The following NCOR2 variants were observed in gnomAD, a reference collection of about 807,000 sequenced individuals.
The protein encoded by NCOR2 is CTG repeat protein 26.
NCOR2 carries 81 observed loss-of-function variants against 262.9 expected under a neutral mutation model. That is an observed-to-expected ratio of 0.31 (90% confidence interval 0.26 to 0.37). NCOR2 has a LOEUF of 0.37. Among genes scored for constraint, NCOR2 ranks in the 10% least tolerant of loss-of-function variants. The probability of loss-of-function intolerance (pLI) is 1.00; values close to 1 mark genes in which losing one functional copy is unlikely to be tolerated. For synonymous variants in NCOR2, 1,659 were observed against 1,559.3 expected, an observed-to-expected ratio of 1.06 and a Z score of -1.51; for missense variants, 3,385 against 3,621.4, an observed-to-expected ratio of 0.93 and a Z score of 1.68.
intron 22 of NCOR2, among the ~76,000 whole-genome samples, chr12:124,361,236 A>T (rs530489085): frequency 6.6e-6 from 1 of 151,700 alleles, no homozygotes; most frequent in Admixed American, 6.6e-5. Flanking sequence ...GCTGGTCAGG[A>T]GGTCGGCCTG....
rs1301326152 is a variant in NCOR2 at position 124,422,651 on chromosome 12, CG to C, written c.1329-97del. 41 of 1,334,626 alleles carry C rather than the reference CG, an allele frequency of 3.1e-5. 1 individual carries two copies. The highest frequency in any genetic ancestry group is 1.0e-6 in the Non-Finnish European group (1 of 976,154). The allele number at this position is 1,334,626 out of a possible 1,614,324, so 82.7% of individuals were successfully genotyped here. ...CCAGGCGCCTGCCATCCCCACTGGC[CG>C]GGCCTGGCGGGCACCGCCCCACTTG... On this transcript the variant is annotated intron_variant, in intron 11 of 46. Coordinates refer to ENST00000405201, the Ensembl canonical transcript of NCOR2.
chr12:124,332,488 A>C (rs2035280865), intron 42 of NCOR2, 21 bp from the exon 45 acceptor site: 6 of 1,613,918 alleles, frequency 3.7e-6, no homozygotes, highest in Non-Finnish European at 2.5e-6. Flanking sequence ...CAAACACCTC[A>C]CATCAGCTCA....
rs368255112 is a variant in NCOR2, at chr12:124,423,249, C to T, written c.1329-694G>A. Among the ~76,000 whole-genome samples, 26 of 152,324 alleles carry T rather than the reference C, an allele frequency of 1.7e-4. 2 individuals carry two copies. Among genetic ancestry groups the T allele is most frequent in the Admixed American group, 1.4e-3 (21 of 15,308 alleles). On this transcript the variant is annotated intron_variant, in intron 11 of 46. Transcript: ENST00000405201. ...GGGCGGGGATGTGGGTCAAGGCCTG[C>T]TCCACCCCAGGGGTGCTGGGTGGAG...
chr12:124,407,593 G>T (rs2042344906), intron 13 of NCOR2, among the ~76,000 whole-genome samples: 1 of 152,218 alleles, frequency 6.6e-6, no homozygotes, highest in South Asian at 2.1e-4. Context: ...CAGGTCGCAG[G>T]AAGGAAGACG....
At chr12:124,348,449 C>CGAGGCCT in intron 28 of NCOR2, 135 bp from the exon 31 acceptor site, 2 of 1,247,754 alleles carry the variant, frequency 1.6e-6, no homozygotes, top group Non-Finnish European at 2.2e-6. Context: ...GCCTCACAGC[C>CGAGGCCT]GAGGCCTCCA....
upstream of NCOR2, among the ~76,000 whole-genome samples, chr12:124,495,771 C>T (rs3759104): frequency 4.0e-3 from 608 of 152,272 alleles, 12 homozygotes; most frequent in East Asian, 0.011. This position sits in a 1 kb window ranked among gnomAD's most constrained non-coding sequence, Gnocchi z 4.4. Context: ...GGAGGGGCGG[C>T]CGGCAGCAGG....
intron 15 of NCOR2, among the ~76,000 whole-genome samples, chr12:124,399,548 T>G (rs1453544277): frequency 1.3e-5 from 2 of 151,986 alleles, no homozygotes. Flanking sequence ...ACAATGAAAT[T>G]TTTAGAGAGG....
chr12:124,343,180 C>G, exon 33 of NCOR2: 3 of 1,608,976 alleles, frequency 1.9e-6, no homozygotes, highest in Non-Finnish European at 2.6e-6. Flanking sequence ...CACGAGGCGT[C>G]GACGTCAGCT....
chr12:124,388,539 A>T (rs750548195), intron 16 of NCOR2: 132 of 809,934 alleles, frequency 1.6e-4, no homozygotes, highest in Non-Finnish European at 2.2e-4. Context: ...GGCATGGGGG[A>T]AAGGATGGGC....
At chr12:124,355,307 A>G (rs2037866626) in intron 24 of NCOR2, 125 bp downstream of exon 26, 2 of 1,202,474 alleles carry the variant, frequency 1.7e-6, no homozygotes, top group Non-Finnish European at 2.3e-6. Context: ...CAGACCCCAG[A>G]TGCCTGAGTG....
intron 20 of NCOR2, among the ~76,000 whole-genome samples, chr12:124,364,486 G>T (rs1316845512): frequency 6.6e-6 from 1 of 152,226 alleles, no homozygotes; most frequent in Non-Finnish European, 1.5e-5. Flanking sequence ...GGCAGGTAGG[G>T]CCTGCCCACT....
At chr12:124,410,952 G>C (rs1020479189) in intron 13 of NCOR2, among the ~76,000 whole-genome samples, 7 of 149,396 alleles carry the variant, frequency 4.7e-5, no homozygotes, top group African/African-American at 1.7e-4. Flanking sequence ...AGGGAGGAGA[G>C]AGAAAGGGAG....
intron 13 of NCOR2, among the ~76,000 whole-genome samples, chr12:124,403,260 G>T (rs2042080129): frequency 6.6e-6 from 1 of 152,148 alleles, no homozygotes; most frequent in South Asian, 2.1e-4. Flanking sequence ...TGCTGCCTGG[G>T]CCTGGTCTCC....
At chr12:124,411,134 A>AAG (rs1349603842) in intron 13 of NCOR2, among the ~76,000 whole-genome samples, 1 of 150,682 alleles carries the variant, frequency 6.6e-6, no homozygotes, top group Non-Finnish European at 1.5e-5. Flanking sequence ...AGATGGGGGA[A>AAG]AGAGAGAGAG....
At chr12:124,533,414 G>A (rs968883691) in intron 1 of NCOR2, among the ~76,000 whole-genome samples, 4 of 151,876 alleles carry the variant, frequency 2.6e-5, no homozygotes, top group Non-Finnish European at 5.9e-5. Flanking sequence ...TTTGCTCAAA[G>A]GCCACCTTCT....
Position 124,363,663 on chromosome 12 carries a change from G to C in NCOR2, c.2928+16C>G, listed in dbSNP as rs781037166. On this transcript the variant is annotated intron_variant, in intron 21 of 46. Coordinates refer to ENST00000405201, the Ensembl canonical transcript of NCOR2. ...GTCAGGGTGGACTCTGTGGGGCTCT[G>C]GGGGTGGGCACTCACGATGGGGGGG... The C allele has an allele frequency of 7.3e-7, 1 of 1,368,390 alleles. No individual in the cohort carries two copies. The highest frequency in any genetic ancestry group is 2.8e-5 in the East Asian group (1 of 36,170). The allele number at this position is 1,368,390 out of a possible 1,614,324, so 84.8% of individuals were successfully genotyped here.
chr12:124,519,459 G>A (rs190320692), intron 1 of NCOR2, among the ~76,000 whole-genome samples: 1 of 152,282 alleles, frequency 6.6e-6, no homozygotes, highest in East Asian at 1.9e-4. Flanking sequence ...ATGTGAGGAA[G>A]GCACCCCTGG....
At chr12:124,508,548 C>T (rs1397998655) in intron 1 of NCOR2, among the ~76,000 whole-genome samples, 1 of 152,136 alleles carries the variant, frequency 6.6e-6, no homozygotes, top group Non-Finnish European at 1.5e-5. Context: ...GGGAGGGGCC[C>T]GCAGGAAGGG....
intron 1 of NCOR2, among the ~76,000 whole-genome samples, chr12:124,516,245 G>A (rs962218491): frequency 3.3e-5 from 5 of 152,176 alleles, no homozygotes; most frequent in East Asian, 3.9e-4. Flanking sequence ...AACACAGGAC[G>A]GCTGCCACCT....
Sources: gnomAD v4.1 joint callset for allele counts (sites outside exome capture counted in the v4.1 genomes callset) on GRCh38, gnomAD v4.1.1 for gene constraint, Gnocchi (gnomAD v3.1) non-coding constraint, MANE v1.5 for transcripts, NCBI Gene and HGNC (gene_info 2026-07-23, HGNC 2026-07-21) for gene names.